The following CCNH variants were observed in gnomAD, a reference collection of about 807,000 sequenced individuals.
The protein encoded by CCNH is cyclin-H.
CCNH carries 31 observed loss-of-function variants against 41.9 expected under a neutral mutation model. The ratio of observed to expected loss-of-function variants is 0.74; its 90% CI spans 0.56 to 1.00. CCNH has a LOEUF of 1.00. Among genes scored for constraint, CCNH ranks in the 50% least tolerant of loss-of-function variants. CCNH has a pLI of 0.00. For missense variants in CCNH, 362 were observed against 388.4 expected (o/e 0.93, Z 0.57); for synonymous variants, 138 against 136.1 (o/e 1.01, Z -0.10).
At position 87,401,710 on chromosome 5, in the gene CCNH, A is replaced by T. The variant is rs770630511; in HGVS notation, c.752T>A (p.Ile251Lys). ...NRTCLSQLLD[I>K]MKSMRNLVKK... ...TGTTCTCTTTTACTTACTTTTCATTATATCTAGTAACTGTGACAGGCAAGT... is the reference window on the plus strand; with the variant it reads ...TGTTCTCTTTTACTTACTTTTCATTTTATCTAGTAACTGTGACAGGCAAGT... Residue 251 changes from isoleucine (I) to lysine (K), a missense_variant, in exon 6 of 9, where the codon ATA (isoleucine) becomes AAA (lysine). Physicochemically the swap from Ile to Lys is moderately radical, Grantham distance 102. Transcript: ENST00000256897. 1.3e-6 allele frequency: 2 copies of T among 1,580,894 alleles called. No homozygotes were observed. The highest frequency in any genetic ancestry group is 3.6e-5 in the Admixed American group (2 of 56,268).
At chr5:87,329,807 A>G (rs74614511) in intron 9 of CCNH, among the ~76,000 whole-genome samples, 4,865 of 152,264 alleles carry the variant, frequency 0.032, 161 homozygotes, top group African/African-American at 0.074. Flanking sequence ...GATATCCCAT[A>G]TATTTTCACA....
At chr5:87,396,347 T>G (rs1005812836) in intron 7 of CCNH, among the ~76,000 whole-genome samples, 3 of 152,092 alleles carry the variant, frequency 2.0e-5, no homozygotes, top group African/African-American at 7.2e-5. Context: ...TGTGGCCAGG[T>G]GCAGTGGCTC....
intron 9 of CCNH, among the ~76,000 whole-genome samples, chr5:87,348,536 G>A (rs1285133501): frequency 6.6e-6 from 1 of 151,906 alleles, no homozygotes; most frequent in Admixed American, 6.6e-5. Context: ...AAAATATAGT[G>A]TATGTGTATT....
chr5:87,412,382 T>C (rs2112588681), intron 1 of CCNH: 2 of 1,138,510 alleles, frequency 1.8e-6, no homozygotes, highest in Non-Finnish European at 2.2e-6. Flanking sequence ...CCCAACATCA[T>C]CTCTTGACAA....
intron 6 of CCNH, 45 bp from the exon 7 acceptor site, chr5:87,399,550 CCTT>C (rs780095769): frequency 1.7e-5 from 21 of 1,256,084 alleles, no homozygotes; most frequent in African/African-American, 1.2e-4. Context: ...AAGCAAACCT[CCTT>C]CTCATAGTAA....
Position 87,338,216 on chromosome 5 carries a change from C to T in CCNH, c.*91-19319G>A, listed in dbSNP as rs951249431. On this transcript the variant is annotated intron_variant and NMD_transcript_variant, in intron 9 of 9. Transcript: ENST00000645953. ...TATAAAAGAACTTAATTGATAAGTA[C>T]AAGAATTATAAGTGCTGTTTGTTAG... 11 of 1,452,420 alleles carry T rather than the reference C, an allele frequency of 7.6e-6. No individual in the cohort carries two copies. In the African/African-American group the frequency reaches 1.2e-4, roughly 15 times the overall value. 90.0% of individuals were successfully genotyped at this position (1,452,420 alleles called of 1,614,324 possible). A position where few individuals can be genotyped will look rare whatever the true frequency, so the allele number is the denominator to read the frequency against.
chr5:87,407,670 G>A (rs765235556), intron 4 of CCNH, among the ~76,000 whole-genome samples: 15 of 152,006 alleles, frequency 9.9e-5, no homozygotes, highest in Admixed American at 2.6e-4. Flanking sequence ...AGTAAGCACC[G>A]TTCTAAACTC....
rs550850577 is a variant in CCNH, at chr5:87,353,075, T to A, written c.*91-34178A>T. Reference sequence around the variant, plus strand: ...AAAAAATTTGCTAATTAGATAATCCTTGGCAAGAAAGTTTACACATATTTT... The same window carrying A: ...AAAAAATTTGCTAATTAGATAATCCATGGCAAGAAAGTTTACACATATTTT... On this transcript the variant is annotated intron_variant and NMD_transcript_variant, in intron 9 of 9. Coordinates refer to the CCNH transcript ENST00000645953. The A allele has an allele frequency of 5.3e-6, 6 of 1,129,018 alleles. No individual in the cohort carries two copies. The South Asian group carries it at 7.9e-5, about 15-fold the overall frequency. The allele number at this position is 1,129,018 out of a possible 1,614,324, so 69.9% of individuals were successfully genotyped here. A position where few individuals can be genotyped will look rare whatever the true frequency, so the allele number is the denominator to read the frequency against.
chr5:87,380,387 T>C (rs1425425062), upstream of CCNH: 3 of 899,664 alleles, frequency 3.3e-6, no homozygotes, highest in Non-Finnish European at 5.5e-6. Flanking sequence ...CAAAATACTT[T>C]TTTGGGTAAA....
At chr5:87,411,545 C>A (rs1033076986) in intron 1 of CCNH, among the ~76,000 whole-genome samples, 199 bp from the exon 2 acceptor site, 1 of 152,216 alleles carries the variant, frequency 6.6e-6, no homozygotes, top group African/African-American at 2.4e-5. Context: ...ACTGTACCAT[C>A]ATTTCACGAC....
chr5:87,372,003 A>G, downstream of CCNH: 1 of 728,478 alleles, frequency 1.4e-6, no homozygotes, highest in South Asian at 1.7e-5. Context: ...TGAGAATAGA[A>G]ATGGCAGTCT....
chr5:87,348,586 A>G (rs1580324149), intron 9 of CCNH, among the ~76,000 whole-genome samples: 1 of 152,080 alleles, frequency 6.6e-6, no homozygotes, highest in East Asian at 1.9e-4. Context: ...GTTGTTTTGA[A>G]TCTACCTTTA....
At chr5:87,386,822 T>C (rs778704112), downstream of CCNH, 3 of 1,611,958 alleles carry the variant, frequency 1.9e-6, no homozygotes, top group Admixed American at 5.0e-5. Flanking sequence ...ATTTTATTTT[T>C]CAGGAGCCCT....
chr5:87,389,485 A>T, downstream of CCNH: 1 of 1,614,174 alleles, frequency 6.2e-7, no homozygotes, highest in African/African-American at 1.3e-5. Context: ...TGGCTCATTC[A>T]GATGAACTTC....
intron 9 of CCNH, among the ~76,000 whole-genome samples, chr5:87,359,610 G>A (rs1281418048): frequency 6.6e-6 from 1 of 152,146 alleles, no homozygotes; most frequent in Non-Finnish European, 1.5e-5. Context: ...GTTCCATTCT[G>A]CAGCTAATAC....
intron 9 of CCNH, among the ~76,000 whole-genome samples, chr5:87,353,531 AACC>A (rs1759433702): frequency 6.6e-6 from 1 of 152,050 alleles, no homozygotes. Flanking sequence ...AGCAGGGATA[AACC>A]ACAGCCAGGA....
In CCNH at chr5:87,399,412, A is replaced by G; in HGVS notation, c.854T>C (p.Leu285Pro). The part of the protein sequence containing the change: ...QKLERCHSAE[L>P]ALNVITKKRK... ...AACTTACGTGATTACGTTAAGTGCA[A>G]GCTCAGCAGAATGACATCGCTCCAA... The change falls in exon 7 of 9, where the codon CTT becomes CCT. Residue 285 changes from leucine to proline, a missense_variant. By Grantham distance (98) the Leu-to-Pro change is moderately conservative. Transcript: ENST00000256897. The G allele has an allele frequency of 6.2e-7, 1 of 1,612,964 alleles. No homozygotes were observed. Among genetic ancestry groups the G allele is most frequent in the Non-Finnish European group, 8.5e-7 (1 of 1,178,970 alleles).
intron 9 of CCNH, among the ~76,000 whole-genome samples, chr5:87,369,134 T>G (rs576591608): frequency 5.3e-5 from 8 of 152,304 alleles, no homozygotes; most frequent in South Asian, 4.1e-4. Flanking sequence ...TAACATTTAT[T>G]GAGTTCCAAA....
intron 9 of CCNH, among the ~76,000 whole-genome samples, chr5:87,341,106 A>G (rs538238842): frequency 6.6e-6 from 1 of 152,090 alleles, no homozygotes; most frequent in South Asian, 2.1e-4. Flanking sequence ...AGTTAGGGTA[A>G]TGGCAACAAG....
Sources: allele counts gnomAD v4.1 joint callset (sites outside exome capture counted in the v4.1 genomes callset), GRCh38; gene constraint gnomAD v4.1.1; transcripts MANE v1.5; gene names NCBI Gene and HGNC (gene_info 2026-07-23, HGNC 2026-07-21).